AEBP1: variants seen among roughly 807,000 people sequenced by gnomAD.
AEBP1 encodes adipocyte enhancer-binding protein 1.
AEBP1 carries 69 observed loss-of-function variants against 116.5 expected under a neutral mutation model. That is an observed-to-expected ratio of 0.59 (90% CI 0.49 to 0.72). AEBP1 has a LOEUF of 0.72. AEBP1 is among the 30% of genes least tolerant of loss of function. The pLI, the probability that AEBP1 is intolerant of heterozygous loss-of-function variation, is 0.00. For synonymous variants in AEBP1, 627 were observed against 627.3 expected, an observed-to-expected ratio of 1.00 and a Z score of 0.01; for missense variants, 1,444 against 1,557.5, an observed-to-expected ratio of 0.93 and a Z score of 1.23.
rs2096232731 is a variant in AEBP1 at position 44,113,660 on chromosome 7, G to GCT, written c.2877_2878dup (p.Tyr960SerfsTer38). The GCT allele has an allele frequency of 1.2e-6, 2 of 1,613,742 alleles. No individual in the cohort carries two copies. Among genetic ancestry groups the GCT allele is most frequent in the African/African-American group, 2.7e-5 (2 of 74,864 alleles). ...TACCGCGTGACAGCCCACGCGGAGG[G>GCT]CTACACCCCGAGCGCCAAGACCTGC... On this transcript the variant is annotated frameshift_variant, in exon 21 of 21. Transcript: ENST00000223357. LOFTEE classifies it low-confidence loss of function (END_TRUNC). The surrounding 1 kb of genome is among the most constrained non-coding windows in gnomAD (Gnocchi z 5.3).
chr7:44,104,864 C>T lies in AEBP1; in HGVS notation c.199C>T (p.Arg67Ter), dbSNP rs1415183456. 3 of 1,570,428 alleles carry T rather than the reference C, an allele frequency of 1.9e-6. No homozygotes were observed. Among genetic ancestry groups the T allele is most frequent in the Non-Finnish European group, 1.7e-6 (2 of 1,158,556 alleles). The part of the protein sequence containing the change: ...PPPPEPTPRV[R>*]KAQAGGKPGK... The stretch of plus-strand genomic sequence containing the variant: ...GCCTCCCGAGCCCACCCCGCGGGTC[C>T]GAAAAGCCCAGGCGGGGGGCAAGCC... Residue 67 changes from arginine (R) to a stop codon, truncating the protein, a stop_gained, in exon 1 of 21, where the codon CGA becomes TGA. Coordinates refer to ENST00000223357, the MANE Select transcript of AEBP1 (RefSeq NM_001129.5). LOFTEE classifies it high-confidence loss of function.
rs2096230238 is a variant in AEBP1, at chr7:44,112,186, G to A, written c.2082G>A (p.Glu694=). 5 of 1,607,198 alleles carry A rather than the reference G, an allele frequency of 3.1e-6. No homozygotes were observed. Among genetic ancestry groups the A allele is most frequent in the Admixed American group, 1.7e-5 (1 of 59,764 alleles). The change falls in exon 17 of 21, where the codon GAG becomes GAA. Residue 694 remains glutamate (E), a synonymous_variant. Transcript: ENST00000223357. The surrounding 1 kb of genome is among the most constrained non-coding windows in gnomAD (Gnocchi z 6.6). ...GGGCGCTGGGACTGTGGACTGAGGA[G>A]GGCTTTGACATCTTTGAAGATTTCC... ...GNWALGLWTE[E]GFDIFEDFPD... is the part of the protein sequence containing the mutation.
rs1346463508 is a variant in AEBP1 at position 44,113,236 on chromosome 7, T to A, written c.2710-16T>A. On this transcript the variant is annotated splice_polypyrimidine_tract_variant and intron_variant, in intron 19 of 20. Coordinates refer to ENST00000223357, the MANE Select transcript of AEBP1 (RefSeq NM_001129.5). The surrounding 1 kb of genome is among the most constrained non-coding windows in gnomAD (Gnocchi z 5.3). The stretch of plus-strand genomic sequence containing the variant: ...GGACCTTCCTGAGGACCAGCAGCCC[T>A]CACCTGCTTCCCTAGGTGCACCGCG... 1 of 1,613,402 alleles carries A rather than the reference T, an allele frequency of 6.2e-7. No individual in the cohort carries two copies. The highest frequency in any genetic ancestry group is 1.7e-5 in the Admixed American group (1 of 59,966).
rs755639223 is a variant in AEBP1, at chr7:44,107,844, C to T, written c.775C>T (p.Pro259Ser). 1 of 1,611,052 alleles carries T rather than the reference C, an allele frequency of 6.2e-7. No individual in the cohort carries two copies. The highest frequency in any genetic ancestry group is 8.5e-7 in the Non-Finnish European group (1 of 1,179,236). The change falls in exon 5 of 21, where the codon CCC (proline) becomes TCC (serine). Residue 259 changes from proline to serine, a missense_variant. Physicochemically the swap from Pro to Ser is moderately conservative, Grantham distance 74 (BLOSUM62 -1). Coordinates refer to ENST00000223357, the MANE Select transcript of AEBP1 (RefSeq NM_001129.5). This position sits in a 1 kb window ranked among gnomAD's most constrained non-coding sequence, Gnocchi z 4.3. ...TCGGCGCCAGAAGCAACCCAGGCCA[C>T]CCCCAAGCAGAAGGAGGAGGCCCGA... Reference protein sequence around the residue: ...YIRRQKQPRPPPSRRRRPERV... With the variant: ...YIRRQKQPRPSPSRRRRPERV...
In AEBP1 at chr7:44,107,945, C is replaced by A; in HGVS notation, c.862+14C>A. On this transcript the variant is annotated intron_variant, in intron 5 of 20. Transcript: ENST00000223357. This position sits in a 1 kb window ranked among gnomAD's most constrained non-coding sequence, Gnocchi z 4.3. Reference sequence around the variant, plus strand: ...AGGAGAGGATTGGTAGGATGGGGGGCAGGAGAGGAGGTGCCATGGCCACGG... The same window carrying A: ...AGGAGAGGATTGGTAGGATGGGGGGAAGGAGAGGAGGTGCCATGGCCACGG... 6.4e-7 allele frequency: 1 copy of A among 1,558,928 alleles called. No individual in the cohort carries two copies. The highest frequency in any genetic ancestry group is 8.6e-7 in the Non-Finnish European group (1 of 1,158,254).
Position 44,107,351 on chromosome 7 carries a change from G to T in AEBP1, c.596-88G>T. The stretch of plus-strand genomic sequence containing the variant: ...GGAGGGTGTCCACAGGCTCTGTGTG[G>T]GCTCTATGGGTGGCTGGTGGCCTGA... On this transcript the variant is annotated intron_variant, in intron 2 of 20. Coordinates refer to ENST00000223357, the MANE Select transcript of AEBP1 (RefSeq NM_001129.5). This position sits in a 1 kb window ranked among gnomAD's most constrained non-coding sequence, Gnocchi z 4.3. 7.5e-7 allele frequency: 1 copy of T among 1,332,810 alleles called. No homozygotes were observed. Among genetic ancestry groups the T allele is most frequent in the Non-Finnish European group, 1.1e-6 (1 of 931,030 alleles). 82.6% of individuals were successfully genotyped at this position (1,332,810 alleles called of 1,614,324 possible). A position where few individuals can be genotyped will look rare whatever the true frequency, so the allele number is the denominator to read the frequency against.
chr7:44,109,367 G>A (rs1269048424), intron 9 of AEBP1, 26 bp downstream of exon 9: 3 of 1,472,514 alleles, frequency 2.0e-6, no homozygotes, highest in East Asian at 2.3e-5. Flanking sequence ...AAGGGGGTGA[G>A]GGTGGGGGCC....
intron 9 of AEBP1, 44 bp downstream of exon 9, chr7:44,109,385 G>A: frequency 6.8e-7 from 1 of 1,460,246 alleles, no homozygotes; most frequent in Non-Finnish European, 9.2e-7. Flanking sequence ...GCCACAGGAT[G>A]GGGGTGCTGG....
Position 44,110,780 on chromosome 7 carries a change from G to A in AEBP1, c.1456G>A (p.Val486Met). ...VGFSNDSQTW[V>M]MYTNGYEEMT... is the part of the protein sequence containing the mutation. ...CTTCAGCAATGACAGCCAGACATGG[G>A]TGATGTACACCAACGGCTATGAGGA... The change falls in exon 12 of 21, where the codon GTG (valine) becomes ATG (methionine). Residue 486 changes from valine (V) to methionine (M), a missense_variant. Physicochemically the swap from Val to Met is conservative, Grantham distance 21. Coordinates refer to ENST00000223357, the MANE Select transcript of AEBP1 (RefSeq NM_001129.5). 1 of 1,541,526 alleles carries A rather than the reference G, an allele frequency of 6.5e-7. No homozygotes were observed. Among genetic ancestry groups the A allele is most frequent in the Non-Finnish European group, 8.7e-7 (1 of 1,144,012 alleles).
Position 44,114,320 on chromosome 7 carries a change from GC to G in AEBP1, c.*61del, listed in dbSNP as rs2096234431. 6.4e-7 allele frequency: 1 copy of G among 1,570,974 alleles called. No individual in the cohort carries two copies. The highest frequency in any genetic ancestry group is 8.7e-7 in the Non-Finnish European group (1 of 1,146,020). On this transcript the variant is annotated 3_prime_UTR_variant, in exon 21 of 21. Transcript: ENST00000223357. Reference sequence around the variant, plus strand: ...AAGCTACAGCAGCAGCACTTCCCAAGCCTGCTGACCACAGTCACATCACCCA... The same window carrying G: ...AAGCTACAGCAGCAGCACTTCCCAAGCTGCTGACCACAGTCACATCACCCA...
rs758785378 is a variant in AEBP1, at chr7:44,104,811, C to CCCG, written c.147_149dup (p.Arg50dup). 3.1e-6 allele frequency: 5 copies of CCCG among 1,606,648 alleles called. No homozygotes were observed. The Admixed American group carries it at 8.4e-5, about 27-fold the overall frequency. Reference sequence around the variant, plus strand: ...TTCCTGTCAGAGCTAGAACCTGAGCCCCGGGAGGACGACGTGGAGGCCCCG... The same window carrying CCCG: ...TTCCTGTCAGAGCTAGAACCTGAGCCCCGCCGGGAGGACGACGTGGAGGCCCCG... On this transcript the variant is annotated inframe_insertion, in exon 1 of 21. Transcript: ENST00000223357.
rs2096225278 is a variant in AEBP1, at chr7:44,108,349, C to G, written c.940+265C>G. ...GGGTGTCCCTAGGCACACACTCTGCCCTGTCACCCATGTGGGTTCCAGCCC... is the reference window on the plus strand; with the variant it reads ...GGGTGTCCCTAGGCACACACTCTGCGCTGTCACCCATGTGGGTTCCAGCCC... On this transcript the variant is annotated intron_variant, in intron 6 of 20. Coordinates refer to ENST00000223357, the MANE Select transcript of AEBP1 (RefSeq NM_001129.5). This position sits in a 1 kb window ranked among gnomAD's most constrained non-coding sequence, Gnocchi z 5.0. 6.6e-6 allele frequency among the ~76,000 whole-genome samples: 1 copy of G among 152,148 alleles called. No individual in the cohort carries two copies. The highest frequency in any genetic ancestry group is 1.5e-5 in the Non-Finnish European group (1 of 68,022).
chr7:44,110,089 G>T lies in AEBP1; in HGVS notation c.1225G>T (p.Gly409Cys), dbSNP rs749154733. ...CCGAGCCTCCTCCATGCTGCGCCAC[G>T]GCCTGGGGGCACAGCGCGGCCGGCT... is the stretch of plus-strand genomic sequence containing the variant. ...QIRASSMLRH[G>C]LGAQRGRLNM... is the part of the protein sequence containing the mutation. Residue 409 changes from glycine to cysteine, a missense_variant, in exon 10 of 21, where the codon GGC becomes TGC. By Grantham distance (159) the Gly-to-Cys change is radical. Coordinates refer to ENST00000223357, the MANE Select transcript of AEBP1 (RefSeq NM_001129.5). The T allele has an allele frequency of 2.5e-6, 4 of 1,612,984 alleles. No individual in the cohort carries two copies. Among genetic ancestry groups the T allele is most frequent in the Non-Finnish European group, 3.4e-6 (4 of 1,180,004 alleles).
Position 44,112,557 on chromosome 7 carries a change from G to A in AEBP1, c.2218-1G>A. On this transcript the variant is annotated splice_acceptor_variant, in intron 17 of 20. Transcript: ENST00000223357. LOFTEE classifies it high-confidence loss of function. The surrounding 1 kb of genome is among the most constrained non-coding windows in gnomAD (Gnocchi z 6.6). ...GGCCTCACACGTGCTGGCCACTCCAGGTATCCACGGAGGTCCGGGCCATCA... is the reference window on the plus strand; with the variant it reads ...GGCCTCACACGTGCTGGCCACTCCAAGTATCCACGGAGGTCCGGGCCATCA... 6.3e-7 allele frequency: 1 copy of A among 1,577,806 alleles called. No homozygotes were observed. Among genetic ancestry groups the A allele is most frequent in the South Asian group, 1.2e-5 (1 of 86,164 alleles).
intron 1 of AEBP1, 62 bp from the exon 2 acceptor site, chr7:44,106,484 G>A (rs982523767): frequency 6.0e-5 from 89 of 1,481,848 alleles, no homozygotes; most frequent in Non-Finnish European, 7.9e-5. Context: ...CATCTAGAGA[G>A]GGGCCTCATG....
chr7:44,104,564 G>A lies in AEBP1; in HGVS notation c.-102G>A. The A allele has an allele frequency of 5.4e-6, 4 of 743,802 alleles. No homozygotes were observed. The highest frequency in any genetic ancestry group is 7.9e-6 in the Non-Finnish European group (4 of 503,232). 46.1% of individuals were successfully genotyped at this position (743,802 alleles called of 1,614,324 possible). ...CCCATCCTCTCTCCCGCCCCTTCCTGGATTCCCTCACCCGTCTCGATCCCC... is the reference window on the plus strand; with the variant it reads ...CCCATCCTCTCTCCCGCCCCTTCCTAGATTCCCTCACCCGTCTCGATCCCC... On this transcript the variant is annotated 5_prime_UTR_variant, in exon 1 of 21. Coordinates refer to ENST00000223357, the MANE Select transcript of AEBP1 (RefSeq NM_001129.5).
rs765600162 is a variant in AEBP1, at chr7:44,113,402, G to T, written c.2809+51G>T. Reference sequence around the variant, plus strand: ...CATCTTTCTGAGGGAGGACCCGCCAGAGAGGGTGGGGGCTTGAGGAACTCA... The same window carrying T: ...CATCTTTCTGAGGGAGGACCCGCCATAGAGGGTGGGGGCTTGAGGAACTCA... On this transcript the variant is annotated intron_variant, in intron 20 of 20. Coordinates refer to ENST00000223357, the MANE Select transcript of AEBP1 (RefSeq NM_001129.5). This position sits in a 1 kb window ranked among gnomAD's most constrained non-coding sequence, Gnocchi z 5.3. 3.9e-6 allele frequency: 6 copies of T among 1,546,450 alleles called. No homozygotes were observed. In the East Asian group the frequency reaches 1.2e-4, roughly 31 times the overall value.
chr7:44,113,063 C>T lies in AEBP1; in HGVS notation c.2642C>T (p.Pro881Leu). The T allele has an allele frequency of 6.2e-7, 1 of 1,614,136 alleles. No individual in the cohort carries two copies. The highest frequency in any genetic ancestry group is 8.5e-7 in the Non-Finnish European group (1 of 1,180,008). Residue 881 changes from proline (P) to leucine (L), a missense_variant, in exon 19 of 21, where the codon CCT becomes CTT. By Grantham distance (98) the Pro-to-Leu change is moderately conservative. Coordinates refer to ENST00000223357, the MANE Select transcript of AEBP1 (RefSeq NM_001129.5). The surrounding 1 kb of genome is among the most constrained non-coding windows in gnomAD (Gnocchi z 5.3). ...TTCTACCTGGGCTGTGACAAGTTCC[C>T]TCATGAGAGTGAGCTGCCCCGCGAG... is the stretch of plus-strand genomic sequence containing the variant. ...LSFYLGCDKF[P>L]HESELPREWE... is the part of the protein sequence containing the mutation.
At position 44,112,523 on chromosome 7, in the gene AEBP1, T is replaced by C. The variant is rs1342227516; in HGVS notation, c.2218-35T>C. 3.4e-6 allele frequency: 5 copies of C among 1,457,810 alleles called. No individual in the cohort carries two copies. Among genetic ancestry groups the C allele is most frequent in the Non-Finnish European group, 4.7e-6 (5 of 1,067,384 alleles). The allele number at this position is 1,457,810 out of a possible 1,614,324, so 90.3% of individuals were successfully genotyped here. A position where few individuals can be genotyped will look rare whatever the true frequency, so the allele number is the denominator to read the frequency against. On this transcript the variant is annotated intron_variant, in intron 17 of 20. Coordinates refer to ENST00000223357, the MANE Select transcript of AEBP1 (RefSeq NM_001129.5). This position sits in a 1 kb window ranked among gnomAD's most constrained non-coding sequence, Gnocchi z 6.6. The stretch of plus-strand genomic sequence containing the variant: ...CTAGGTTGGGGATAGTGGCCGGAGC[T>C]GCAGCCCTGGCCTCACACGTGCTGG...
Sources: gnomAD v4.1 joint callset for allele counts (sites outside exome capture counted in the v4.1 genomes callset) on GRCh38, gnomAD v4.1.1 for gene constraint, Gnocchi (gnomAD v3.1) non-coding constraint, MANE v1.5 for transcripts, NCBI Gene and HGNC (gene_info 2026-07-23, HGNC 2026-07-21) for gene names.